Variants in TXLNB observed in about 807,000 individuals in gnomAD.
TXLNB encodes beta-taxilin.
Under a neutral mutation model 57.4 loss-of-function variants are expected in TXLNB, and 37 were observed. The observed-to-expected ratio is 0.64, with a 90% CI of 0.50 to 0.85. The LOEUF is 0.85. Among genes scored for constraint, TXLNB ranks in the 40% least tolerant of loss-of-function variants. TXLNB has a pLI of 0.00. For synonymous variants in TXLNB, 302 were observed against 309.6 expected (o/e 0.98, Z 0.26); for missense variants, 848 against 825.6 (o/e 1.03, Z -0.33).
the TXLNB span, among the ~76,000 whole-genome samples, chr6:139,307,691 T>C: frequency 3.9e-5 from 6 of 152,316 alleles, no homozygotes; most frequent in South Asian, 1.0e-3. Flanking sequence ...ATTTTTTTCC[T>C]CTTCTATTCA....
the TXLNB span, among the ~76,000 whole-genome samples, chr6:139,163,186 T>C: frequency 2.0e-5 from 3 of 152,128 alleles, no homozygotes; most frequent in African/African-American, 7.2e-5. Flanking sequence ...CCTGGAGACA[T>C]TGAGTGGGGC....
the TXLNB span, among the ~76,000 whole-genome samples, chr6:139,172,874 A>T: frequency 5.3e-5 from 8 of 152,358 alleles, no homozygotes; most frequent in East Asian, 1.5e-3. Flanking sequence ...AATGATTCAC[A>T]CGGAGCTGGT....
At chr6:139,275,783 C>T (rs1270633759) in intron 3 of TXLNB, among the ~76,000 whole-genome samples, 3 of 152,134 alleles carry the variant, frequency 2.0e-5, no homozygotes, top group Non-Finnish European at 4.4e-5. Flanking sequence ...GTTTTGGAGG[C>T]CCTCTTCAAA....
At chr6:139,244,740 A>C in intron 8 of TXLNB, 50 bp from the exon 9 acceptor site, 1 of 1,344,784 alleles carries the variant, frequency 7.4e-7, no homozygotes, top group Non-Finnish European at 1.1e-6. Context: ...TTAATATATC[A>C]AGGAAGCTAT....
chr6:139,312,343 T>C, the TXLNB span, among the ~76,000 whole-genome samples: 2 of 152,316 alleles, frequency 1.3e-5, no homozygotes, highest in East Asian at 3.9e-4. Context: ...TCTGGACTGT[T>C]AGGCACAGTT....
At chr6:139,224,256 C>T in the TXLNB span, among the ~76,000 whole-genome samples, 10 of 139,110 alleles carry the variant, frequency 7.2e-5, no homozygotes, top group East Asian at 4.2e-4. Flanking sequence ...TGAGAACACA[C>T]AGACACAGGA....
At chr6:139,304,371 G>A in the TXLNB span, among the ~76,000 whole-genome samples, 1 of 152,170 alleles carries the variant, frequency 6.6e-6, no homozygotes, top group Non-Finnish European at 1.5e-5. Context: ...CCAAAATTCG[G>A]TTATATCAGT....
intron 8 of TXLNB, among the ~76,000 whole-genome samples, 162 bp downstream of exon 8, chr6:139,247,655 A>T (rs1776099452): frequency 6.6e-6 from 1 of 151,458 alleles, no homozygotes. Flanking sequence ...CTAGATACTT[A>T]CCAATTAAAA....
the TXLNB span, among the ~76,000 whole-genome samples, chr6:139,204,788 G>A: frequency 6.6e-6 from 1 of 152,178 alleles, no homozygotes; most frequent in African/African-American, 2.4e-5. Context: ...GCAGGATTGA[G>A]ACCAGCCTCG....
the TXLNB span, among the ~76,000 whole-genome samples, chr6:139,196,364 G>GT: frequency 3.4e-3 from 293 of 86,736 alleles, 52 homozygotes; most frequent in Middle Eastern, 6.8e-3. Context: ...CTCCAGATCT[G>GT]GTTTTTTTTT....
At chr6:139,182,919 G>A in the TXLNB span, 1 of 152,112 alleles carries the variant, frequency 6.6e-6, no homozygotes, top group East Asian at 1.9e-4. Context: ...ACCATTTCTT[G>A]GTGATGAACA....
downstream of TXLNB, among the ~76,000 whole-genome samples, chr6:139,238,388 A>C (rs190954496): frequency 6.6e-6 from 1 of 152,284 alleles, no homozygotes; most frequent in Non-Finnish European, 1.5e-5. Context: ...AGTGAGACTT[A>C]GTCTCACAAA....
At chr6:139,315,023 A>C in the TXLNB span, among the ~76,000 whole-genome samples, 1 of 151,890 alleles carries the variant, frequency 6.6e-6, no homozygotes, top group Non-Finnish European at 1.5e-5. Flanking sequence ...AAAAGTCTGA[A>C]CCCCCCAAAT....
chr6:139,231,219 A>T, the TXLNB span, among the ~76,000 whole-genome samples: 1 of 152,178 alleles, frequency 6.6e-6, no homozygotes, highest in Non-Finnish European at 1.5e-5. Flanking sequence ...TCTGGGTATC[A>T]TTTCTAATAA....
At chr6:139,270,124 A>C (rs1776720267) in intron 4 of TXLNB, among the ~76,000 whole-genome samples, 1 of 152,206 alleles carries the variant, frequency 6.6e-6, no homozygotes, top group Admixed American at 6.5e-5. Flanking sequence ...CACCTTAGAA[A>C]CAAACTCAAC....
chr6:139,238,510 C>T (rs186506864), downstream of TXLNB, among the ~76,000 whole-genome samples: 17 of 152,272 alleles, frequency 1.1e-4, no homozygotes, highest in South Asian at 1.0e-3. Flanking sequence ...TGCATTCACA[C>T]GCACATGTGA....
At chr6:139,217,665 G>A in the TXLNB span, among the ~76,000 whole-genome samples, 4 of 151,864 alleles carry the variant, frequency 2.6e-5, no homozygotes, top group Admixed American at 6.6e-5. Flanking sequence ...TCAGAAGATC[G>A]AGACCATCCT....
At chr6:139,246,914 C>CA (rs368500125) in intron 8 of TXLNB, among the ~76,000 whole-genome samples, 11,896 of 111,390 alleles carry the variant, frequency 0.11, 508 homozygotes, top group Middle Eastern at 0.14. Flanking sequence ...AATTCCATCT[C>CA]AAAAAAAAAA....
At chr6:139,161,588 A>G in the TXLNB span, among the ~76,000 whole-genome samples, 3 of 152,194 alleles carry the variant, frequency 2.0e-5, no homozygotes, top group Non-Finnish European at 4.4e-5. Context: ...TAAATGAAAT[A>G]TTTGCTGCTT....
Sources: allele counts gnomAD v4.1 joint callset (sites outside exome capture counted in the v4.1 genomes callset), GRCh38; gene constraint gnomAD v4.1.1; transcripts MANE v1.5; gene names NCBI Gene and HGNC (gene_info 2026-07-23, HGNC 2026-07-21).